ANKRD6: variants seen among roughly 807,000 people sequenced by gnomAD.
ANKRD6 encodes the protein ankyrin repeat domain-containing protein 6.
Under a neutral mutation model 82.3 loss-of-function variants are expected in ANKRD6, and 56 were observed. The observed-to-expected ratio is 0.68, with a 90% CI of 0.55 to 0.85. The LOEUF is 0.85. ANKRD6 is among the 40% of genes least tolerant of loss of function. The pLI, the probability that ANKRD6 is intolerant of heterozygous loss-of-function variation, is 0.00. For missense variants in ANKRD6, 852 were observed against 907.6 expected, an observed-to-expected ratio of 0.94 and a Z score of 0.79; for synonymous variants, 347 against 352.1, an observed-to-expected ratio of 0.99 and a Z score of 0.16.
chr6:89,566,421 A>G lies in ANKRD6; in HGVS notation c.-143-413A>G, dbSNP rs1463340409. ...GCCACTGACCCACTGGGGAAGCGGC[A>G]CGTTAGCCATGGTGGACGCACAAAA... is the stretch of plus-strand genomic sequence containing the variant. On this transcript the variant is annotated intron_variant, in intron 1 of 15. Coordinates refer to ENST00000339746, the MANE Select transcript of ANKRD6 (RefSeq NM_001242809.2). Among the ~76,000 whole-genome samples the G allele has an allele frequency of 3.9e-5, 6 of 152,348 alleles. No homozygotes were observed. In the East Asian group the frequency reaches 1.2e-3, roughly 29 times the overall value.
chr6:89,509,187 A>T (rs978060105), intron 1 of ANKRD6: 6 of 152,308 alleles, frequency 3.9e-5, no homozygotes, highest in African/African-American at 1.4e-4. Context: ...GCTGGCAGCA[A>T]GTGGGCTAGG....
intron 1 of ANKRD6, among the ~76,000 whole-genome samples, chr6:89,513,043 G>T (rs916650368): frequency 2.0e-5 from 3 of 151,780 alleles, no homozygotes; most frequent in Non-Finnish European, 4.4e-5. Context: ...TCCTGCCTCC[G>T]CTTCCTGAGT....
intron 1 of ANKRD6, among the ~76,000 whole-genome samples, chr6:89,558,758 A>G (rs1048220181): frequency 8.4e-5 from 12 of 142,528 alleles, no homozygotes; most frequent in African/African-American, 1.5e-4. Context: ...TGACTCATCA[A>G]TTGTAACAAA....
In ANKRD6 at chr6:89,630,479, C is replaced by T; in HGVS notation, c.1659C>T (p.Asp553=). The change falls in exon 16 of 16, where the codon GAC becomes GAT. Residue 553 remains aspartate, a synonymous_variant. Coordinates refer to ENST00000339746, the MANE Select transcript of ANKRD6 (RefSeq NM_001242809.2). ...VVTAGPAAAS[D]SSPPVVRPKE... ...CTGCAGGTCCAGCAGCAGCTTCCGA[C>T]AGCTCCCCTCCAGTGGTTAGGCCCA... The T allele has an allele frequency of 6.2e-7, 1 of 1,613,950 alleles. No homozygotes were observed. The highest frequency in any genetic ancestry group is 8.5e-7 in the Non-Finnish European group (1 of 1,179,840).
At chr6:89,615,548 CAG>C (rs925226704) in intron 7 of ANKRD6, among the ~76,000 whole-genome samples, 12 of 152,316 alleles carry the variant, frequency 7.9e-5, no homozygotes, top group Admixed American at 4.6e-4. Context: ...GAGTGGGACC[CAG>C]GCATCATCAT....
In ANKRD6 at chr6:89,612,286, T is replaced by C; in HGVS notation, c.432T>C (p.Ala144=). The C allele has an allele frequency of 6.4e-7, 1 of 1,559,182 alleles. No homozygotes were observed. Among genetic ancestry groups the C allele is most frequent in the Non-Finnish European group, 8.7e-7 (1 of 1,151,084 alleles). Residue 144 remains alanine, a synonymous_variant, in exon 6 of 16, where the codon GCT becomes GCC. Transcript: ENST00000339746. ...VLAKNKAGNT[A]LHLACQNSHS... ...CTCTCTCCAAGGCGGGGAACACAGCTCTGCACCTGGCCTGCCAGAACAGCC... is the reference window on the plus strand; with the variant it reads ...CTCTCTCCAAGGCGGGGAACACAGCCCTGCACCTGGCCTGCCAGAACAGCC...
Position 89,595,929 on chromosome 6 carries a change from C to T in ANKRD6, c.134C>T (p.Pro45Leu). 2 of 1,608,876 alleles carry T rather than the reference C, an allele frequency of 1.2e-6. No individual in the cohort carries two copies. Among genetic ancestry groups the T allele is most frequent in the Non-Finnish European group, 1.7e-6 (2 of 1,177,756 alleles). The change falls in exon 3 of 16, where the codon CCC (proline) becomes CTC (leucine). Residue 45 changes from proline to leucine, a missense_variant. By Grantham distance (98) the Pro-to-Leu change is moderately conservative. Transcript: ENST00000339746. ...RVAVTKHGRT[P>L]LHLAANKGHL... The stretch of plus-strand genomic sequence containing the variant: ...TTGCATTCACAGCATGGCCGGACTC[C>T]CCTGCATCTTGCTGCCAATAAGGGC...
chr6:89,489,270 T>G (rs1777749760), intron 1 of ANKRD6, among the ~76,000 whole-genome samples: 1 of 152,198 alleles, frequency 6.6e-6, no homozygotes, highest in Non-Finnish European at 1.5e-5. Flanking sequence ...CAGCTCTGCC[T>G]GAGTGGGAAA....
chr6:89,522,256 T>C (rs1277081283), intron 1 of ANKRD6, among the ~76,000 whole-genome samples: 1 of 152,198 alleles, frequency 6.6e-6, no homozygotes, highest in Non-Finnish European at 1.5e-5. Context: ...TGGCAGATGC[T>C]TTATTGAAAT....
intron 1 of ANKRD6, among the ~76,000 whole-genome samples, chr6:89,556,288 A>G (rs532953173): frequency 6.6e-6 from 1 of 152,392 alleles, no homozygotes; most frequent in Non-Finnish European, 1.5e-5. Context: ...TTGCCCTCTA[A>G]GATCCAGACA....
intron 1 of ANKRD6, among the ~76,000 whole-genome samples, chr6:89,507,309 GC>G (rs1372202668): frequency 1.3e-5 from 2 of 152,180 alleles, no homozygotes; most frequent in Non-Finnish European, 2.9e-5. Context: ...GATATGAACA[GC>G]AATTTTAGCA....
intron 3 of ANKRD6, among the ~76,000 whole-genome samples, chr6:89,599,889 C>A (rs550846276): frequency 6.6e-6 from 1 of 152,074 alleles, no homozygotes; most frequent in Admixed American, 6.6e-5. Context: ...TAGGGAGAGT[C>A]CGAGCCTGGC....
chr6:89,608,456 A>G (rs1474716588), intron 5 of ANKRD6, among the ~76,000 whole-genome samples: 1 of 151,502 alleles, frequency 6.6e-6, no homozygotes, highest in African/African-American at 2.4e-5. Context: ...ACATCTGCAT[A>G]CAAGATCTTC....
intron 1 of ANKRD6, among the ~76,000 whole-genome samples, chr6:89,484,450 G>C (rs1777143889): frequency 6.6e-6 from 1 of 152,080 alleles, no homozygotes. Flanking sequence ...GGAAAATCTT[G>C]ATCTTAAAAA....
At chr6:89,587,897 T>C (rs1411966057) in intron 2 of ANKRD6, among the ~76,000 whole-genome samples, 2 of 152,264 alleles carry the variant, frequency 1.3e-5, no homozygotes, top group African/African-American at 2.4e-5. Context: ...TAAATTGTTT[T>C]TAAATGTAAA....
At chr6:89,499,528 G>A (rs754831339) in intron 1 of ANKRD6, among the ~76,000 whole-genome samples, 9 of 152,102 alleles carry the variant, frequency 5.9e-5, no homozygotes, top group Non-Finnish European at 1.0e-4. Flanking sequence ...CTAGTTTAAC[G>A]TTTCTCAACC....
At position 89,630,734 on chromosome 6, in the gene ANKRD6, C is replaced by T; in HGVS notation, c.1914C>T (p.Ala638=). Residue 638 remains alanine, a synonymous_variant, in exon 16 of 16, where the codon GCC becomes GCT. Transcript: ENST00000339746. ...GGCATCGTGCCCAGCAACCCGCAGC[C>T]AGCAGCACCTGTGGGCAGCCGCCAC... ...PTRHRAQQPA[A]SSTCGQPPPA... is the part of the protein sequence containing the mutation. 4.3e-6 allele frequency: 7 copies of T among 1,613,866 alleles called. No homozygotes were observed. Among genetic ancestry groups the T allele is most frequent in the Non-Finnish European group, 5.9e-6 (7 of 1,179,876 alleles).
chr6:89,568,968 T>C (rs1397408667), intron 2 of ANKRD6, among the ~76,000 whole-genome samples: 1 of 151,566 alleles, frequency 6.6e-6, no homozygotes, highest in Non-Finnish European at 1.5e-5. Context: ...TGTCCGTCTG[T>C]TGCCCAGGCA....
chr6:89,613,926 C>A, intron 7 of ANKRD6, 36 bp downstream of exon 7: 1 of 1,605,010 alleles, frequency 6.2e-7, no homozygotes, highest in Non-Finnish European at 8.5e-7. Flanking sequence ...CTGCCAGCAC[C>A]CTTCCCACAA....
Sources: gnomAD v4.1 joint callset for allele counts (sites outside exome capture counted in the v4.1 genomes callset) on GRCh38, gnomAD v4.1.1 for gene constraint, MANE v1.5 for transcripts, NCBI Gene and HGNC (gene_info 2026-07-23, HGNC 2026-07-21) for gene names.